The following TSPEAR variants were observed in gnomAD, a reference collection of about 807,000 sequenced individuals.
The protein encoded by TSPEAR is thrombospondin-type laminin G domain and EAR repeat-containing protein.
TSPEAR carries 69 observed loss-of-function variants against 71.6 expected under a neutral mutation model. The observed-to-expected ratio is 0.96, with a 90% confidence interval of 0.79 to 1.18. The LOEUF (loss-of-function observed/expected upper bound fraction) is 1.18. Ranked by LOEUF, TSPEAR falls within the 50% of genes most tolerant of loss-of-function variation. The pLI is 0.00. For synonymous variants in TSPEAR, 402 were observed against 387.2 expected (o/e 1.04, Z -0.45); for missense variants, 971 against 894.9 (o/e 1.09, Z -1.09).
intron 1 of TSPEAR, among the ~76,000 whole-genome samples, chr21:44,615,620 C>T (rs8128447): frequency 0.068 from 10,166 of 149,274 alleles, 1,053 homozygotes; most frequent in African/African-American, 0.23. Flanking sequence ...AGCCACATGG[C>T]GGCACCTCCC....
chr21:44,702,089 A>G, intron 1 of TSPEAR: 1 of 800,772 alleles, frequency 1.2e-6, no homozygotes, highest in South Asian at 1.8e-5. Flanking sequence ...TTCCTATGAG[A>G]GGGAGGCAGG....
At chr21:44,601,638 C>T in intron 1 of TSPEAR, 1 of 1,613,630 alleles carries the variant, frequency 6.2e-7, no homozygotes, top group African/African-American at 1.3e-5. Flanking sequence ...AGGCCAGCTG[C>T]TGCCGCCCAG....
At chr21:44,622,480 T>G (rs1375587507) in intron 1 of TSPEAR, among the ~76,000 whole-genome samples, 2 of 152,244 alleles carry the variant, frequency 1.3e-5, no homozygotes, top group Non-Finnish European at 2.9e-5. Context: ...GCCAGGCACC[T>G]GAAATGAAGA....
chr21:44,538,402 A>C, intron 2 of TSPEAR, among the ~76,000 whole-genome samples: 1 of 140,594 alleles, frequency 7.1e-6, no homozygotes, highest in East Asian at 2.1e-4. Context: ...CCTTGTCCCT[A>C]CACCTGTGTG....
intron 1 of TSPEAR, among the ~76,000 whole-genome samples, chr21:44,654,861 G>C (rs587597643): frequency 6.6e-6 from 1 of 152,038 alleles, no homozygotes; most frequent in Non-Finnish European, 1.5e-5. Flanking sequence ...GTGTTTCCTG[G>C]AAACAGAGCA....
At chr21:44,627,255 G>GCC (rs782273745) in intron 1 of TSPEAR, 2 of 1,612,712 alleles carry the variant, frequency 1.2e-6, no homozygotes, top group Non-Finnish European at 1.7e-6. Flanking sequence ...GCTGCTGTGA[G>GCC]CCCCCCTGCT....
intron 1 of TSPEAR, among the ~76,000 whole-genome samples, chr21:44,679,341 G>T (rs1242895561): frequency 6.6e-6 from 1 of 152,024 alleles, no homozygotes; most frequent in African/African-American, 2.4e-5. Flanking sequence ...ATATAACCAA[G>T]GATGTGAAAG....
At position 44,521,863 on chromosome 21, in the gene TSPEAR, G is replaced by T. The variant is rs376943948; in HGVS notation, c.1566+20C>A. On this transcript the variant is annotated intron_variant, in intron 9 of 11. Transcript: ENST00000323084. ...CAGTGGCCAGCAATGGAGAGCCGGG[G>T]CTCATGCGGGGGGCCTTACCGGGAA... The T allele has an allele frequency of 5.6e-6, 9 of 1,606,100 alleles. No homozygotes were observed. The African/African-American group carries it at 1.2e-4, about 21-fold the overall frequency.
chr21:44,579,559 A>C, intron 1 of TSPEAR: 1 of 649,946 alleles, frequency 1.5e-6, no homozygotes, highest in South Asian at 2.0e-5. Flanking sequence ...AGGACAGGGG[A>C]CCCAACAGGC....
Position 44,522,062 on chromosome 21 carries a change from G to C in TSPEAR, c.1387C>G (p.Arg463Gly), listed in dbSNP as rs144625664. 1.2e-6 allele frequency: 2 copies of C among 1,614,102 alleles called. No individual in the cohort carries two copies. The highest frequency in any genetic ancestry group is 3.3e-5 in the Admixed American group (2 of 60,026). ...ATGGTCTGGTTGGCCTCGAAGAGCC[G>C]GGTTGCCGGGTTCCACTTGTAGATG... ...SVIYKWNPAT[R>G]LFEANQTIAT... The change falls in exon 9 of 12, where the codon CGG (arginine) becomes GGG (glycine). Residue 463 changes from arginine (R) to glycine (G), a missense_variant. Transcript: ENST00000323084.
At chr21:44,551,463 G>T (rs1555918975) in intron 2 of TSPEAR, 1 of 1,602,954 alleles carries the variant, frequency 6.2e-7, no homozygotes, top group Middle Eastern at 1.9e-4. Context: ...GGCCATGCTG[G>T]AGTGGGGAGG....
chr21:44,647,883 G>A (rs1173109257), intron 1 of TSPEAR, among the ~76,000 whole-genome samples: 3 of 152,248 alleles, frequency 2.0e-5, no homozygotes, highest in African/African-American at 4.8e-5. Flanking sequence ...AGGGAGGGGA[G>A]CAGAGCTGAG....
At chr21:44,584,085 A>T (rs1202129242) in intron 1 of TSPEAR, among the ~76,000 whole-genome samples, 1 of 152,238 alleles carries the variant, frequency 6.6e-6, no homozygotes, top group East Asian at 1.9e-4. Context: ...GTTATAAAAA[A>T]TGAAAACTCC....
At chr21:44,530,872 A>G (rs782454462) in intron 4 of TSPEAR, among the ~76,000 whole-genome samples, 171 bp downstream of exon 4, 19 of 152,216 alleles carry the variant, frequency 1.2e-4, no homozygotes, top group Non-Finnish European at 2.4e-4. Context: ...GGAGGGTGCC[A>G]GGAGGAAACA....
In TSPEAR at chr21:44,517,619, C is replaced by T. The variant is rs587656345; in HGVS notation, c.1566+4264G>A. ...TCAGCCCCTTCCTGCTGCTTCCCAC[C>T]GTGTGTGCTCCTTGTCTGACTTGAT... On this transcript the variant is annotated intron_variant, in intron 9 of 11. Coordinates refer to ENST00000323084, the MANE Select transcript of TSPEAR (RefSeq NM_144991.3). 27 of 380,810 alleles carry T rather than the reference C, an allele frequency of 7.1e-5. 1 individual carries two copies. Among genetic ancestry groups the T allele is most frequent in the Middle Eastern group, 1.8e-3 (2 of 1,126 alleles). The allele number at this position is 380,810 out of a possible 1,614,324, so 23.6% of individuals were successfully genotyped here. A position where few individuals can be genotyped will look rare whatever the true frequency, so the allele number is the denominator to read the frequency against.
chr21:44,638,132 G>A (rs1555937634), intron 1 of TSPEAR: 1 of 1,612,902 alleles, frequency 6.2e-7, no homozygotes. Context: ...CTCCCGCCCT[G>A]CCTGCTACAG....
In TSPEAR at chr21:44,704,226, C is replaced by A. The variant is rs577710353; in HGVS notation, c.82+7207G>T. ...GGGTGGGGAGGTAGCTGGGACCCTG[C>A]CCCCTGCTTCCCTGGGTACCCCACC... is the stretch of plus-strand genomic sequence containing the variant. On this transcript the variant is annotated intron_variant, in intron 1 of 11. Transcript: ENST00000323084. Among the ~76,000 whole-genome samples, 5 of 77,566 alleles carry A rather than the reference C, an allele frequency of 6.4e-5. No homozygotes were observed. The East Asian group carries it at 1.9e-3, about 30-fold the overall frequency. 50.9% of individuals were successfully genotyped at this position (77,566 alleles called of 152,430 possible). A position where few individuals can be genotyped will look rare whatever the true frequency, so the allele number is the denominator to read the frequency against.
intron 1 of TSPEAR, among the ~76,000 whole-genome samples, chr21:44,585,105 G>A (rs1326711964): frequency 1.3e-5 from 2 of 152,154 alleles, no homozygotes; most frequent in Non-Finnish European, 2.9e-5. Flanking sequence ...AGGGGGTCGT[G>A]CTCCTTCTTG....
intron 10 of TSPEAR, among the ~76,000 whole-genome samples, chr21:44,507,687 A>G (rs2052235543): frequency 6.6e-6 from 1 of 152,224 alleles, no homozygotes; most frequent in African/African-American, 2.4e-5. Context: ...TAGACTGGGC[A>G]TCATGTCCAT....
Sources: allele counts gnomAD v4.1 joint callset (sites outside exome capture counted in the v4.1 genomes callset), GRCh38; gene constraint gnomAD v4.1.1; transcripts MANE v1.5; gene names NCBI Gene and HGNC (gene_info 2026-07-23, HGNC 2026-07-21).